Variants in METTL15 observed in about 807,000 individuals in gnomAD.
METTL15 encodes the protein methyltransferase 15, mitochondrial 12S rRNA N4-cytidine.
A neutral mutation model predicts 38.3 loss-of-function variants in METTL15; 34 were observed. The observed-to-expected ratio is 0.89, with a 90% CI of 0.68 to 1.18. METTL15 has a LOEUF of 1.18. METTL15 is among the 50% of genes most tolerant of loss of function. The pLI, the probability that METTL15 is intolerant of heterozygous loss-of-function variation, is 0.00. For synonymous variants in METTL15, 162 were observed against 170.9 expected, an observed-to-expected ratio of 0.95 and a Z score of 0.41; for missense variants, 438 against 498.4, an observed-to-expected ratio of 0.88 and a Z score of 1.15.
At chr11:28,442,398 T>G (rs1052032940) in intron 6 of METTL15, among the ~76,000 whole-genome samples, 3 of 152,108 alleles carry the variant, frequency 2.0e-5, no homozygotes, top group African/African-American at 7.2e-5. Context: ...AAACTCTTTA[T>G]GGTTTCGAAA....
chr11:28,475,209 A>G (rs1328102930), intron 6 of METTL15, among the ~76,000 whole-genome samples: 2 of 152,208 alleles, frequency 1.3e-5, no homozygotes, highest in East Asian at 3.9e-4. Context: ...TGAGTTTCTC[A>G]CAGTGAGTGG....
chr11:28,500,533 T>C (rs959199114), intron 6 of METTL15, among the ~76,000 whole-genome samples: 11 of 151,938 alleles, frequency 7.2e-5, no homozygotes, highest in Non-Finnish European at 1.6e-4. Context: ...ATTTTTCCAA[T>C]GTCTTTTTTT....
intron 4 of METTL15, among the ~76,000 whole-genome samples, chr11:28,269,277 A>T (rs1855549859): frequency 6.6e-6 from 1 of 152,124 alleles, no homozygotes; most frequent in African/African-American, 2.4e-5. Context: ...TTGACCAATT[A>T]GATTTCTCTC....
intron 6 of METTL15, among the ~76,000 whole-genome samples, chr11:28,511,064 T>C (rs554697137): frequency 6.6e-6 from 1 of 152,304 alleles, no homozygotes; most frequent in South Asian, 2.1e-4. Flanking sequence ...GAAGGCCACC[T>C]ATTGTTAATA....
intron 3 of METTL15, among the ~76,000 whole-genome samples, chr11:28,149,700 C>A (rs1850012584): frequency 6.6e-6 from 1 of 151,814 alleles, no homozygotes; most frequent in Non-Finnish European, 1.5e-5. Context: ...TGCACTGTTT[C>A]TGATGGATTA....
intron 4 of METTL15, among the ~76,000 whole-genome samples, chr11:28,267,265 G>T (rs987116756): frequency 6.6e-6 from 1 of 150,960 alleles, no homozygotes; most frequent in Non-Finnish European, 1.5e-5. Context: ...CACTTTGGTC[G>T]CTCTGGCTTC....
At chr11:28,130,605 CTG>C (rs56800337) in intron 3 of METTL15, among the ~76,000 whole-genome samples, 22,502 of 152,026 alleles carry the variant, frequency 0.15, 1,825 homozygotes, top group East Asian at 0.28. Context: ...TAGCAACTGA[CTG>C]AGAGAGATGA....
At chr11:28,521,357 G>A (rs913469470) in intron 6 of METTL15, among the ~76,000 whole-genome samples, 27 of 152,160 alleles carry the variant, frequency 1.8e-4, no homozygotes, top group African/African-American at 6.5e-4. Flanking sequence ...AGTAAACAAG[G>A]TAATTGGGAA....
intron 4 of METTL15, among the ~76,000 whole-genome samples, chr11:28,360,255 T>A (rs1278223963): frequency 6.6e-6 from 1 of 152,180 alleles, no homozygotes; most frequent in African/African-American, 2.4e-5. Flanking sequence ...AAGATGGGCC[T>A]ACCAGCCAAA....
intron 5 of METTL15, among the ~76,000 whole-genome samples, chr11:28,420,659 A>T (rs1326632551): frequency 1.3e-5 from 2 of 152,102 alleles, no homozygotes; most frequent in Non-Finnish European, 2.9e-5. Context: ...CTGAAAATTT[A>T]TTTGAAACAA....
chr11:28,120,266 T>C (rs1852167286), intron 3 of METTL15, among the ~76,000 whole-genome samples: 2 of 151,422 alleles, frequency 1.3e-5, no homozygotes, highest in African/African-American at 2.4e-5. Context: ...TTTTTTTTTT[T>C]CTTCTTAAGA....
At chr11:28,433,382 C>A (rs186929552) in intron 6 of METTL15, among the ~76,000 whole-genome samples, 7 of 152,168 alleles carry the variant, frequency 4.6e-5, no homozygotes, top group African/African-American at 1.7e-4. Flanking sequence ...AGAATGAATG[C>A]TTTCAAGTCA....
chr11:28,286,875 T>G (rs1176175679), intron 4 of METTL15, among the ~76,000 whole-genome samples: 2 of 151,794 alleles, frequency 1.3e-5, no homozygotes, highest in African/African-American at 4.8e-5. Context: ...CAGTAGTATG[T>G]ACACACGCAC....
rs375568273 is a variant in METTL15, at chr11:28,328,149, G to A, written c.779-2247G>A. On this transcript the variant is annotated intron_variant, in intron 6 of 6. Transcript: ENST00000407364. ...CAAACTCTTTATTAGGAAAATGGAC[G>A]AATTGAATAGCAAATGGTAAGAAGC... The A allele has an allele frequency of 1.7e-5, 27 of 1,610,880 alleles. No individual in the cohort carries two copies. The Admixed American group carries it at 2.0e-4, about 12-fold the overall frequency.
intron 5 of METTL15, among the ~76,000 whole-genome samples, chr11:28,382,126 A>G (rs1292053779): frequency 3.9e-5 from 6 of 152,148 alleles, no homozygotes; most frequent in Non-Finnish European, 8.8e-5. Context: ...CTTCAGTTCT[A>G]GTAAAAAATC....
chr11:28,302,313 C>T (rs1856940742), intron 6 of METTL15, among the ~76,000 whole-genome samples: 1 of 152,080 alleles, frequency 6.6e-6, no homozygotes, highest in African/African-American at 2.4e-5. Flanking sequence ...AAAATAACTT[C>T]AACGTTAATT....
At chr11:28,136,379 A>G (rs976826891) in intron 3 of METTL15, among the ~76,000 whole-genome samples, 5 of 152,136 alleles carry the variant, frequency 3.3e-5, no homozygotes. Flanking sequence ...GCTTGCTGCC[A>G]TGTAAGATGT....
Position 28,326,599 on chromosome 11 carries a change from C to G in METTL15, c.779-3797C>G, listed in dbSNP as rs191397235. On this transcript the variant is annotated intron_variant, in intron 6 of 6. Transcript: ENST00000407364. ...ATTTTAATTTTTATATATTTTGAGA[C>G]AGAGTCTCACTCTGTCGCCCAGGCT... is the stretch of plus-strand genomic sequence containing the variant. Among the ~76,000 whole-genome samples the G allele has an allele frequency of 2.0e-5, 3 of 151,970 alleles. No homozygotes were observed. In the East Asian group the frequency reaches 5.8e-4, roughly 30 times the overall value.
chr11:28,253,889 GACA>G (rs1226145515), intron 4 of METTL15, among the ~76,000 whole-genome samples: 1 of 151,940 alleles, frequency 6.6e-6, no homozygotes, highest in African/African-American at 2.4e-5. Context: ...TTTGTTGATG[GACA>G]CTTGGTTGCT....
Sources: gnomAD v4.1 joint callset for allele counts (sites outside exome capture counted in the v4.1 genomes callset) on GRCh38, gnomAD v4.1.1 for gene constraint, MANE v1.5 for transcripts, NCBI Gene and HGNC (gene_info 2026-07-23, HGNC 2026-07-21) for gene names.